The following LONP2 variants were observed in gnomAD, a reference collection of about 807,000 sequenced individuals.
The protein encoded by LONP2 is lon peptidase 2, peroxisomal.
A neutral mutation model predicts 85.6 loss-of-function variants in LONP2; 60 were observed. The observed-to-expected ratio is 0.70, with a 90% CI of 0.57 to 0.87. The LOEUF is 0.87. Among genes scored for constraint, LONP2 ranks in the 40% least tolerant of loss-of-function variants. LONP2 has a pLI of 0.00. For synonymous variants in LONP2, 395 were observed against 389.7 expected (o/e 1.01, Z -0.16); for missense variants, 860 against 1,063.5 (o/e 0.81, Z 2.66).
intron 11 of LONP2, among the ~76,000 whole-genome samples, chr16:48,304,898 T>C (rs1418907905): frequency 6.6e-6 from 1 of 152,200 alleles, no homozygotes; most frequent in African/African-American, 2.4e-5. Context: ...CATAGCTGTT[T>C]CCAGAAAGGA....
intron 6 of LONP2, among the ~76,000 whole-genome samples, chr16:48,265,670 T>C (rs181859294): frequency 3.3e-5 from 5 of 152,354 alleles, no homozygotes; most frequent in Admixed American, 3.3e-4. Context: ...CCTCCACGTT[T>C]GTTCTTGCTC....
intron 11 of LONP2, among the ~76,000 whole-genome samples, chr16:48,313,173 A>G (rs1973070535): frequency 6.6e-6 from 1 of 152,194 alleles, no homozygotes; most frequent in Admixed American, 6.5e-5. Flanking sequence ...ATTTTCTACC[A>G]ACAAGTAAAT....
At chr16:48,289,728 A>AT (rs990955659) in intron 8 of LONP2, among the ~76,000 whole-genome samples, 32 of 152,130 alleles carry the variant, frequency 2.1e-4, no homozygotes, top group Admixed American at 6.5e-4. Flanking sequence ...TTTACAAGCT[A>AT]TTTTTTTCTG....
intron 3 of LONP2, among the ~76,000 whole-genome samples, chr16:48,257,764 A>G (rs1270003355): frequency 6.6e-6 from 1 of 152,232 alleles, no homozygotes; most frequent in East Asian, 1.9e-4. Flanking sequence ...GGTTATACAC[A>G]GGAATTCAAT....
At chr16:48,294,438 C>T (rs1251380774) in intron 8 of LONP2, among the ~76,000 whole-genome samples, 1 of 152,136 alleles carries the variant, frequency 6.6e-6, no homozygotes. Flanking sequence ...TAATGTTTAA[C>T]AAAATTCAGA....
downstream of LONP2, among the ~76,000 whole-genome samples, chr16:48,358,969 T>C (rs1403338274): frequency 1.3e-5 from 2 of 152,166 alleles, no homozygotes; most frequent in East Asian, 1.9e-4. Flanking sequence ...CAAAATGATA[T>C]ACCTCCACGA....
chr16:48,317,423 G>A (rs1299820751), intron 11 of LONP2, among the ~76,000 whole-genome samples: 1 of 152,140 alleles, frequency 6.6e-6, no homozygotes, highest in Non-Finnish European at 1.5e-5. Flanking sequence ...GAATTATGGT[G>A]ATACTCAATT....
intron 14 of LONP2, among the ~76,000 whole-genome samples, chr16:48,349,406 G>T (rs1960071529): frequency 6.6e-6 from 1 of 152,132 alleles, no homozygotes; most frequent in South Asian, 2.1e-4. Context: ...AACTAGCTGG[G>T]ATTACAAGCA....
chr16:48,245,646 G>GT (rs1567302560), intron 1 of LONP2, among the ~76,000 whole-genome samples: 1 of 152,102 alleles, frequency 6.6e-6, no homozygotes, highest in Non-Finnish European at 1.5e-5. Context: ...TAAATGTGCT[G>GT]TAAGTGTACA....
intron 7 of LONP2, among the ~76,000 whole-genome samples, chr16:48,274,057 G>T (rs16946042): frequency 0.014 from 2,084 of 152,232 alleles, 48 homozygotes; most frequent in African/African-American, 0.047. Context: ...TTAGCATAGT[G>T]TACCAGATAT....
Position 48,262,781 on chromosome 16 carries a change from C to A in LONP2, c.891C>A (p.Leu297=). The part of the protein sequence containing the change: ...HKVCVKEIKR[L]KKMPQSMPEY... The stretch of plus-strand genomic sequence containing the variant: ...GCTGTGTATTCTTTCTCCACAGACT[C>A]AAAAAAATGCCTCAGTCAATGCCAG... The change falls in exon 6 of 15, where the codon CTC becomes CTA. Residue 297 remains leucine, a synonymous_variant. Transcript: ENST00000285737. 1 of 1,603,926 alleles carries A rather than the reference C, an allele frequency of 6.2e-7. No homozygotes were observed. Among genetic ancestry groups the A allele is most frequent in the South Asian group, 1.1e-5 (1 of 89,662 alleles).
chr16:48,346,781 G>GT (rs1959978819), intron 12 of LONP2, among the ~76,000 whole-genome samples: 1 of 152,142 alleles, frequency 6.6e-6, no homozygotes, highest in African/African-American at 2.4e-5. Context: ...AGGTCTGCTA[G>GT]TAAGAGGGTT....
rs11331502 is a variant in LONP2 at position 48,353,496 on chromosome 16, CAAA to C, written c.*1713_*1715del. The C allele has an allele frequency of 6.7e-4, 45 of 67,096 alleles. No individual in the cohort carries two copies. The highest frequency in any genetic ancestry group is 7.1e-4 in the Non-Finnish European group (23 of 32,570). 4.2% of individuals were successfully genotyped at this position (67,096 alleles called of 1,614,324 possible). A position where few individuals can be genotyped will look rare whatever the true frequency, so the allele number is the denominator to read the frequency against. ...TGGGCGACAGAGTGAGACCCTGTCTCAAAAAAAAAAAAAAAAAAAAAGATTGGG... is the reference window on the plus strand; with the variant it reads ...TGGGCGACAGAGTGAGACCCTGTCTCAAAAAAAAAAAAAAAAAAGATTGGG... On this transcript the variant is annotated 3_prime_UTR_variant, in exon 15 of 15. Transcript: ENST00000285737.
intron 12 of LONP2, among the ~76,000 whole-genome samples, chr16:48,346,701 G>T (rs935467140): frequency 6.6e-6 from 1 of 152,014 alleles, no homozygotes; most frequent in Non-Finnish European, 1.5e-5. Context: ...CGATCCTGTC[G>T]TCTCAGCCTC....
chr16:48,328,874 A>G (rs1015944419), intron 11 of LONP2, among the ~76,000 whole-genome samples: 3 of 151,910 alleles, frequency 2.0e-5, no homozygotes, highest in Non-Finnish European at 4.4e-5. Flanking sequence ...GAGCCAGTAT[A>G]TAATTCAGTA....
Position 48,355,794 on chromosome 16 carries a change from C to T in LONP2, c.*3992C>T, listed in dbSNP as rs1960324439. On this transcript the variant is annotated 3_prime_UTR_variant, in exon 15 of 15. Coordinates refer to ENST00000285737, the MANE Select transcript of LONP2 (RefSeq NM_031490.5). The stretch of plus-strand genomic sequence containing the variant: ...ATTTTTAAGATGTTACCCAAAGACC[C>T]CTTGTATCAAAATAAGCTGGATTTT... The T allele has an allele frequency of 6.6e-6, 1 of 152,080 alleles. No homozygotes were observed. Among genetic ancestry groups the T allele is most frequent in the African/African-American group, 2.4e-5 (1 of 41,398 alleles). 9.4% of individuals were successfully genotyped at this position (152,080 alleles called of 1,614,324 possible).
chr16:48,288,086 T>C (rs1021975063), intron 8 of LONP2, among the ~76,000 whole-genome samples: 3 of 152,132 alleles, frequency 2.0e-5, no homozygotes, highest in African/African-American at 7.2e-5. Flanking sequence ...TTGAGAAGGC[T>C]TCTTTGTTGT....
intron 12 of LONP2, among the ~76,000 whole-genome samples, chr16:48,335,206 G>C (rs903540110): frequency 6.6e-5 from 10 of 152,140 alleles, no homozygotes; most frequent in African/African-American, 2.4e-4. Flanking sequence ...GTGCTATCAA[G>C]GGCTTGGGGG....
intron 11 of LONP2, among the ~76,000 whole-genome samples, chr16:48,324,720 C>T (rs751350364): frequency 6.6e-6 from 1 of 152,048 alleles, no homozygotes; most frequent in African/African-American, 2.4e-5. Context: ...GGCCCTATGA[C>T]GAATGGTATG....
Sources: gnomAD v4.1 joint callset for allele counts (sites outside exome capture counted in the v4.1 genomes callset) on GRCh38, gnomAD v4.1.1 for gene constraint, MANE v1.5 for transcripts, NCBI Gene and HGNC (gene_info 2026-07-23, HGNC 2026-07-21) for gene names.